RBBP8: variants seen among roughly 807,000 people sequenced by gnomAD.
RBBP8 encodes the protein DNA endonuclease RBBP8.
RBBP8 carries 88 observed loss-of-function variants against 108.3 expected under a neutral mutation model. That is an observed-to-expected ratio of 0.81 (90% CI 0.68 to 0.97). The LOEUF (loss-of-function observed/expected upper bound fraction) is 0.97. Ranked by LOEUF, RBBP8 falls within the 50% of genes least tolerant of loss-of-function variation. RBBP8 has a pLI of 0.00. For synonymous variants in RBBP8, 332 were observed against 348.2 expected (o/e 0.95, Z 0.52); for missense variants, 1,023 against 1,049.0 (o/e 0.98, Z 0.34).
chr18:22,932,406 G>C (rs756986108), upstream of RBBP8, among the ~76,000 whole-genome samples: 1 of 152,198 alleles, frequency 6.6e-6, no homozygotes, highest in African/African-American at 2.4e-5. Flanking sequence ...GGAAGTGAAT[G>C]ATAGTTGCTG....
chr18:22,925,170 G>A (rs1281799139), intron 3 of RBBP8, among the ~76,000 whole-genome samples: 7 of 151,896 alleles, frequency 4.6e-5, no homozygotes, highest in Admixed American at 2.0e-4. Context: ...GCACTTGGCC[G>A]GAAGCCTATC....
intron 3 of RBBP8, among the ~76,000 whole-genome samples, chr18:22,947,352 TC>T (rs1269509173): frequency 6.6e-6 from 1 of 151,914 alleles, no homozygotes; most frequent in Admixed American, 6.6e-5. Context: ...TTCCTATCCC[TC>T]CCTATAGATC....
At chr18:22,936,559 TAACTG>T (rs1910599209) in intron 1 of RBBP8, among the ~76,000 whole-genome samples, 190 bp from the exon 2 acceptor site, 3 of 152,178 alleles carry the variant, frequency 2.0e-5, no homozygotes, top group Non-Finnish European at 2.9e-5. Context: ...TATAGCCAAA[TAACTG>T]AAATCAGAAC....
chr18:22,993,089 G>C lies in RBBP8; in HGVS notation c.1262G>C (p.Arg421Thr). 6.2e-7 allele frequency: 1 copy of C among 1,613,894 alleles called. No homozygotes were observed. The highest frequency in any genetic ancestry group is 8.5e-7 in the Non-Finnish European group (1 of 1,179,836). ...NISESLGEQN[R>T]TEYGKDSNTD... ...AGTGAATCCCTAGGTGAACAGAATA[G>C]GACTGAGTACGGTAAAGATTCTAAC... Residue 421 changes from arginine to threonine, a missense_variant, in exon 11 of 19, where the codon AGG becomes ACG. Physicochemically the swap from Arg to Thr is moderately conservative, Grantham distance 71 (BLOSUM62 -1). Transcript: ENST00000327155.
At chr18:22,923,039 T>A (rs1308944574) in intron 3 of RBBP8, among the ~76,000 whole-genome samples, 1 of 152,204 alleles carries the variant, frequency 6.6e-6, no homozygotes, top group African/African-American at 2.4e-5. Flanking sequence ...AGTTTCACTA[T>A]AACTATACAA....
At chr18:23,008,103 C>T (rs1404860245) in intron 16 of RBBP8, among the ~76,000 whole-genome samples, 1 of 152,122 alleles carries the variant, frequency 6.6e-6, no homozygotes, top group African/African-American at 2.4e-5. Flanking sequence ...TGAACCACCA[C>T]GCCTGGCGCT....
rs1197803424 is a variant in RBBP8, at chr18:22,949,687, T to C, written c.222T>C (p.His74=). The change falls in exon 4 of 19, where the codon CAT becomes CAC. Residue 74 remains histidine, a synonymous_variant. Coordinates refer to ENST00000327155, the MANE Select transcript of RBBP8 (RefSeq NM_002894.3). ...QQLREQQKVL[H]ETIKVLEDRL... is the part of the protein sequence containing the mutation. ...TGAGGGAACAGCAGAAAGTCCTTCA[T>C]GAAACCATTAAAGTTTTAGAAGATC... 6.2e-7 allele frequency: 1 copy of C among 1,612,958 alleles called. No individual in the cohort carries two copies. The highest frequency in any genetic ancestry group is 8.5e-7 in the Non-Finnish European group (1 of 1,179,176).
chr18:22,968,434 T>G (rs1195883640), intron 4 of RBBP8, among the ~76,000 whole-genome samples: 2 of 152,200 alleles, frequency 1.3e-5, no homozygotes, highest in Non-Finnish European at 2.9e-5. Context: ...GAACACTCAC[T>G]ATGGGTGACA....
At chr18:22,930,089 CG>C (rs1909965395), upstream of RBBP8, among the ~76,000 whole-genome samples, 1 of 152,184 alleles carries the variant, frequency 6.6e-6, no homozygotes, top group Admixed American at 6.5e-5. Context: ...TTTAAATCTA[CG>C]TGAGTTCCAA....
At chr18:22,965,561 A>G (rs61431149) in intron 4 of RBBP8, among the ~76,000 whole-genome samples, 25,040 of 151,896 alleles carry the variant, frequency 0.16, 2,709 homozygotes, top group African/African-American at 0.31. Flanking sequence ...TTTGGTGTGT[A>G]TATATATTCA....
chr18:22,994,017 T>TTC (rs2045802278), intron 12 of RBBP8, among the ~76,000 whole-genome samples, 170 bp downstream of exon 12: 1 of 122,572 alleles, frequency 8.2e-6, no homozygotes, highest in East Asian at 2.4e-4. Flanking sequence ...TTCTGTTCTT[T>TTC]TTTTTTTTTT....
chr18:23,003,432 A>T (rs2045981124), intron 15 of RBBP8, among the ~76,000 whole-genome samples: 2 of 152,162 alleles, frequency 1.3e-5, no homozygotes, highest in South Asian at 4.1e-4. Flanking sequence ...CATAACCCTT[A>T]GCTGTCTACC....
chr18:23,009,363 A>G (rs1490009079), intron 16 of RBBP8, among the ~76,000 whole-genome samples: 1 of 151,870 alleles, frequency 6.6e-6, no homozygotes, highest in Non-Finnish European at 1.5e-5. Context: ...TTAGAAATGT[A>G]CAGTAAAATC....
At chr18:22,936,315 T>A (rs894738243) in intron 1 of RBBP8, among the ~76,000 whole-genome samples, 1 of 145,458 alleles carries the variant, frequency 6.9e-6, no homozygotes, top group Non-Finnish European at 1.5e-5. Context: ...GTGGCCAGGC[T>A]GATCTCAAAC....
intron 5 of RBBP8, 24 bp downstream of exon 5, chr18:22,968,942 T>C (rs1420531753): frequency 3.3e-6 from 5 of 1,512,064 alleles, no homozygotes; most frequent in African/African-American, 1.4e-5. Flanking sequence ...CTTCATTTAT[T>C]ATTTAAAGTA....
intron 4 of RBBP8, among the ~76,000 whole-genome samples, chr18:22,955,405 A>G (rs184839068): frequency 1.1e-3 from 172 of 152,260 alleles, no homozygotes; most frequent in Admixed American, 5.0e-3. Flanking sequence ...TTTTTTAAAT[A>G]CAGTAGTTAG....
rs993377434 is a variant in RBBP8, at chr18:22,933,415, C to G, written c.-248C>G. On this transcript the variant is annotated 5_prime_UTR_variant, in exon 1 of 19. Coordinates refer to ENST00000327155, the MANE Select transcript of RBBP8 (RefSeq NM_002894.3). Reference sequence around the variant, plus strand: ...CCCCCGGCCTTAAAGCGCGGGCTGTCCGGAGGGGTCGGCTTTCCCACCGAG... The same window carrying G: ...CCCCCGGCCTTAAAGCGCGGGCTGTGCGGAGGGGTCGGCTTTCCCACCGAG... 6.5e-6 allele frequency: 1 copy of G among 153,762 alleles called. No homozygotes were observed. Among genetic ancestry groups the G allele is most frequent in the African/African-American group, 2.4e-5 (1 of 41,494 alleles). 9.5% of individuals were successfully genotyped at this position (153,762 alleles called of 1,614,324 possible). A position where few individuals can be genotyped will look rare whatever the true frequency, so the allele number is the denominator to read the frequency against.
At chr18:23,013,609 T>A (rs2046207666) in intron 16 of RBBP8, among the ~76,000 whole-genome samples, 1 of 152,190 alleles carries the variant, frequency 6.6e-6, no homozygotes, top group Admixed American at 6.5e-5. Context: ...ACTGATTTGC[T>A]GGTTTTACAT....
intron 2 of RBBP8, chr18:22,946,232 A>G (rs1911545705): frequency 9.5e-6 from 5 of 525,474 alleles, no homozygotes; most frequent in Admixed American, 3.5e-5. Context: ...GATGGGGAAA[A>G]TGTTATTCCA....
Sources: gnomAD v4.1 joint callset for allele counts (sites outside exome capture counted in the v4.1 genomes callset) on GRCh38, gnomAD v4.1.1 for gene constraint, MANE v1.5 for transcripts, NCBI Gene and HGNC (gene_info 2026-07-23, HGNC 2026-07-21) for gene names.